FANCI: variants seen among roughly 807,000 people sequenced by gnomAD.
FANCI encodes the protein FA complementation group I.
In FANCI, 156 loss-of-function variants were observed where a neutral mutation model predicts 176.1. That is an observed-to-expected ratio of 0.89 (90% confidence interval 0.78 to 1.01). The LOEUF (loss-of-function observed/expected upper bound fraction) is 1.01. Among genes scored for constraint, FANCI ranks in the 50% least tolerant of loss-of-function variants. The pLI, the probability that FANCI is intolerant of heterozygous loss-of-function variation, is 0.00. For missense variants in FANCI, 1,678 were observed against 1,534.1 expected (o/e 1.09, Z -1.57); for synonymous variants, 613 against 541.7 (o/e 1.13, Z -1.83).
At chr15:89,263,872 G>C (rs1341083299) in intron 7 of FANCI, 31 bp from the exon 8 acceptor site, 2 of 1,613,796 alleles carry the variant, frequency 1.2e-6, no homozygotes, top group East Asian at 2.2e-5. Context: ...GTTAGACACT[G>C]TCTATAGCCT....
chr15:89,267,571 G>A (rs2053022279), intron 9 of FANCI, among the ~76,000 whole-genome samples: 1 of 151,992 alleles, frequency 6.6e-6, no homozygotes, highest in Admixed American at 6.6e-5. Flanking sequence ...GTACTGGGAA[G>A]AGATTGTGAG....
chr15:89,251,350 T>C (rs893839629), intron 2 of FANCI, among the ~76,000 whole-genome samples: 2 of 152,170 alleles, frequency 1.3e-5, no homozygotes, highest in South Asian at 2.1e-4. Flanking sequence ...CAGGCCCAGA[T>C]AGATTGGCAG....
chr15:89,287,153 T>C (rs910442702), intron 18 of FANCI, among the ~76,000 whole-genome samples: 2 of 152,100 alleles, frequency 1.3e-5, no homozygotes, highest in Non-Finnish European at 2.9e-5. Context: ...TTTGTATTTT[T>C]AGTAGAGACT....
chr15:89,272,169 G>A (rs561672851), intron 10 of FANCI, among the ~76,000 whole-genome samples: 2 of 152,124 alleles, frequency 1.3e-5, no homozygotes, highest in East Asian at 3.9e-4. Context: ...ACCTCATTGA[G>A]GTTTAACTTT....
chr15:89,285,100 A>G lies in FANCI; in HGVS notation c.1703A>G (p.His568Arg), dbSNP rs555480773. Residue 568 changes from histidine (H) to arginine (R), a missense_variant, in exon 18 of 38, where the codon CAT becomes CGT. By Grantham distance (29) the His-to-Arg change is conservative (BLOSUM62 0). Around this residue, in one of 3 missense-constraint regions of FANCI, gnomAD observed 1,204 missense variants for 1,077.4 expected, o/e 1.12. Transcript: ENST00000310775. Reference sequence around the variant, plus strand: ...ATTGGCCTGTCTTCCTTTCAGGTTCATGTGGATGTTCACAGCCATTACAAT... The same window carrying G: ...ATTGGCCTGTCTTCCTTTCAGGTTCGTGTGGATGTTCACAGCCATTACAAT... The part of the protein sequence containing the change: ...CSQSLSVSQV[H>R]VDVHSHYNSV... 239 of 1,614,062 alleles carry G rather than the reference A, an allele frequency of 1.5e-4. 3 individuals carry two copies. In the South Asian group the frequency reaches 2.5e-3, roughly 17 times the overall value.
At chr15:89,269,976 A>G (rs568093159) in intron 10 of FANCI, among the ~76,000 whole-genome samples, 19 of 152,048 alleles carry the variant, frequency 1.2e-4, no homozygotes, top group Middle Eastern at 3.2e-3. Flanking sequence ...ACGCCTGGCT[A>G]ATTTTCGTAT....
At chr15:89,275,676 G>C (rs1038327111) in intron 12 of FANCI, among the ~76,000 whole-genome samples, 1 of 152,142 alleles carries the variant, frequency 6.6e-6, no homozygotes, top group Non-Finnish European at 1.5e-5. Context: ...TGTGTCTCCA[G>C]TATTTTCCCA....
At chr15:89,297,234 C>G (rs971891186) in intron 24 of FANCI, among the ~76,000 whole-genome samples, 2 of 150,944 alleles carry the variant, frequency 1.3e-5, no homozygotes, top group Non-Finnish European at 3.0e-5. Flanking sequence ...ACATCTCAGG[C>G]GATGGGCGGC....
chr15:89,248,591 G>T (rs1398435535), intron 2 of FANCI, among the ~76,000 whole-genome samples: 2 of 152,098 alleles, frequency 1.3e-5, no homozygotes, highest in Non-Finnish European at 2.9e-5. Flanking sequence ...TGTTGCATGA[G>T]TTGTAACTTG....
chr15:89,267,950 TAGAC>T (rs566012666), intron 9 of FANCI, among the ~76,000 whole-genome samples: 133 of 152,204 alleles, frequency 8.7e-4, no homozygotes, highest in South Asian at 6.2e-3. Flanking sequence ...GATAGATAGA[TAGAC>T]AGACAGACAG....
chr15:89,299,658 C>G, intron 24 of FANCI, 142 bp from the exon 25 acceptor site: 3 of 762,304 alleles, frequency 3.9e-6, no homozygotes, highest in Admixed American at 4.5e-5. Flanking sequence ...ATAGAAATAC[C>G]TTGATTGTGG....
intron 6 of FANCI, among the ~76,000 whole-genome samples, chr15:89,262,647 C>T (rs1195331628): frequency 6.6e-6 from 1 of 152,110 alleles, no homozygotes; most frequent in South Asian, 2.1e-4. Context: ...ACATAAGATC[C>T]CTTACATAAA....
intron 36 of FANCI, 129 bp downstream of exon 36, chr15:89,314,836 T>TCC (rs1180873508): frequency 1.2e-4 from 30 of 244,638 alleles, no homozygotes; most frequent in African/African-American, 4.1e-4. Flanking sequence ...ATCCCCCCTC[T>TCC]CCCCCCCCCC....
chr15:89,290,290 C>T lies in FANCI; in HGVS notation c.1890+9C>T, dbSNP rs1596301346. ...AAACTCTGCTCTCACAGGTAAAATA[C>T]ATTTTTATGGATATATGGAAAACAG... On this transcript the variant is annotated intron_variant, in intron 19 of 37. Coordinates refer to ENST00000310775, the MANE Select transcript of FANCI (RefSeq NM_001113378.2). The T allele has an allele frequency of 6.2e-7, 1 of 1,604,140 alleles. No individual in the cohort carries two copies. The highest frequency in any genetic ancestry group is 8.5e-7 in the Non-Finnish European group (1 of 1,171,006).
intron 9 of FANCI, among the ~76,000 whole-genome samples, chr15:89,267,321 A>AT (rs1491416663): frequency 9.2e-4 from 68 of 73,806 alleles, no homozygotes; most frequent in African/African-American, 2.1e-3. Context: ...TCCTTGTCTC[A>AT]AAAAAAAAAA....
At chr15:89,314,376 T>TAAC (rs982719343) in intron 35 of FANCI, among the ~76,000 whole-genome samples, 2 of 152,218 alleles carry the variant, frequency 1.3e-5, no homozygotes, top group Non-Finnish European at 2.9e-5. Flanking sequence ...ATTTTCTAGA[T>TAAC]AACAACAAAT....
At chr15:89,287,574 A>C (rs1214892483) in intron 18 of FANCI, among the ~76,000 whole-genome samples, 1 of 152,194 alleles carries the variant, frequency 6.6e-6, no homozygotes, top group Admixed American at 6.5e-5. Flanking sequence ...TTGCATTCAC[A>C]ACTTGGCTCT....
chr15:89,255,022 A>G (rs2052433486), intron 2 of FANCI, among the ~76,000 whole-genome samples: 1 of 152,158 alleles, frequency 6.6e-6, no homozygotes, highest in African/African-American at 2.4e-5. Context: ...TCTCCCCAGT[A>G]ATTATTTCAC....
At chr15:89,274,807 A>G (rs543158998) in intron 12 of FANCI, among the ~76,000 whole-genome samples, 5 of 151,392 alleles carry the variant, frequency 3.3e-5, no homozygotes, top group African/African-American at 1.2e-4. Flanking sequence ...GTTTCGCCAT[A>G]TTGCCCAGGC....
Sources: gnomAD v4.1 joint callset for allele counts (sites outside exome capture counted in the v4.1 genomes callset) on GRCh38, gnomAD v4.1.1 for gene constraint, gnomAD v4.1.1 regional missense constraint, MANE v1.5 for transcripts, NCBI Gene and HGNC (gene_info 2026-07-23, HGNC 2026-07-21) for gene names.